The following BICD1 variants were observed in gnomAD, a reference collection of about 807,000 sequenced individuals.
The protein encoded by BICD1 is protein bicaudal D homolog 1.
A neutral mutation model predicts 92.5 loss-of-function variants in BICD1; 35 were observed. The ratio of observed to expected loss-of-function variants is 0.38; its 90% confidence interval spans 0.29 to 0.50. The LOEUF is 0.50. BICD1 is among the 20% of genes least tolerant of loss of function. The pLI, the probability that BICD1 is intolerant of heterozygous loss-of-function variation, is 0.93. For missense variants in BICD1, 950 were observed against 1,189.8 expected (o/e 0.80, Z 2.97); for synonymous variants, 429 against 465.1 (o/e 0.92, Z 1.00).
chr12:32,156,743 G>C (rs1181570254), intron 1 of BICD1, among the ~76,000 whole-genome samples: 1 of 152,226 alleles, frequency 6.6e-6, no homozygotes, highest in African/African-American at 2.4e-5. Flanking sequence ...CCACGGAGGA[G>C]ATGTGTGTAT....
chr12:32,188,165 T>G (rs564968248), intron 1 of BICD1, among the ~76,000 whole-genome samples: 1 of 152,334 alleles, frequency 6.6e-6, no homozygotes, highest in Non-Finnish European at 1.5e-5. Context: ...CTTGAACTCC[T>G]GACCTCAGGT....
intron 1 of BICD1, among the ~76,000 whole-genome samples, chr12:32,121,404 C>T (rs1431424993): frequency 2.0e-5 from 3 of 151,552 alleles, no homozygotes; most frequent in Non-Finnish European, 2.9e-5. Context: ...ACCAGCCTGG[C>T]CAACATGGTG....
intron 8 of BICD1, among the ~76,000 whole-genome samples, chr12:32,356,327 A>T (rs1245560906): frequency 6.6e-6 from 1 of 152,198 alleles, no homozygotes; most frequent in Non-Finnish European, 1.5e-5. Context: ...TGAAATGGAG[A>T]AGAGCTGAAG....
chr12:32,237,900 C>A (rs1946119287), intron 2 of BICD1, among the ~76,000 whole-genome samples: 1 of 152,176 alleles, frequency 6.6e-6, no homozygotes, highest in Non-Finnish European at 1.5e-5. Context: ...GTCATTTTGA[C>A]TTTCAAGTCT....
chr12:32,333,716 C>CT (rs1390980736), intron 5 of BICD1, among the ~76,000 whole-genome samples: 1 of 152,196 alleles, frequency 6.6e-6, no homozygotes, highest in Admixed American at 6.5e-5. Flanking sequence ...CCTAAGTATA[C>CT]ACTGATTTTA....
chr12:32,256,270 G>C (rs183918737), intron 2 of BICD1, among the ~76,000 whole-genome samples: 1 of 152,020 alleles, frequency 6.6e-6, no homozygotes, highest in South Asian at 2.1e-4. Flanking sequence ...GGCTGATCTC[G>C]AACTTCTGGC....
chr12:32,331,756 C>T (rs1238769166), intron 5 of BICD1, among the ~76,000 whole-genome samples: 2 of 152,094 alleles, frequency 1.3e-5, no homozygotes, highest in Non-Finnish European at 2.9e-5. Flanking sequence ...GATGCTCAAC[C>T]TGTACCATTT....
intron 1 of BICD1, among the ~76,000 whole-genome samples, chr12:32,174,311 C>T (rs576482454): frequency 6.6e-6 from 1 of 152,068 alleles, no homozygotes; most frequent in Admixed American, 6.5e-5. Context: ...TAAATTTCTT[C>T]TAAAGTTTTA....
intron 1 of BICD1, chr12:32,108,640 T>TA (rs1294859366): frequency 2.9e-6 from 2 of 695,590 alleles, no homozygotes; most frequent in Non-Finnish European, 5.2e-6. Context: ...TTTATGCTGT[T>TA]ACAGTTAAAA....
chr12:32,150,374 G>C (rs932769643), intron 1 of BICD1, among the ~76,000 whole-genome samples: 1 of 152,132 alleles, frequency 6.6e-6, no homozygotes, highest in Admixed American at 6.5e-5. Context: ...ATCTAGGCAG[G>C]GAAAAGCGTA....
intron 1 of BICD1, among the ~76,000 whole-genome samples, chr12:32,176,296 A>G (rs779605700): frequency 6.6e-6 from 1 of 152,064 alleles, no homozygotes; most frequent in Non-Finnish European, 1.5e-5. Context: ...TTGTCAAACT[A>G]TTTTCCAAAG....
intron 1 of BICD1, among the ~76,000 whole-genome samples, chr12:32,135,386 CTTTTTTTT>C (rs71064999): frequency 1.3e-4 from 6 of 44,794 alleles, no homozygotes; most frequent in Non-Finnish European, 1.9e-4. Context: ...CCATGCGTGG[CTTTTTTTT>C]TTTTTTTTTT....
chr12:32,327,855 C>G lies in BICD1; in HGVS notation c.1400C>G (p.Thr467Arg), dbSNP rs201221854. 1.2e-6 allele frequency: 2 copies of G among 1,614,090 alleles called. No homozygotes were observed. Among genetic ancestry groups the G allele is most frequent in the Non-Finnish European group, 1.7e-6 (2 of 1,180,026 alleles). The change falls in exon 5 of 10, where the codon ACA becomes AGA. Residue 467 changes from threonine to arginine, a missense_variant. Thr to Arg is a moderately conservative substitution (Grantham distance 71, BLOSUM62 -1). This residue lies in a region of BICD1 where 309 missense variants were observed against 499.4 expected (regional missense o/e 0.62). Transcript: ENST00000652176. The stretch of plus-strand genomic sequence containing the variant: ...ATCCAGATGTATGATGAGCAGGTGA[C>G]AAGCCTTGAGAAGACCACCAAGGAG... ...SKIQMYDEQV[T>R]SLEKTTKESG...
At chr12:32,357,073 G>A (rs1027770761) in intron 8 of BICD1, among the ~76,000 whole-genome samples, 9 of 149,552 alleles carry the variant, frequency 6.0e-5, no homozygotes, top group Non-Finnish European at 1.0e-4. Flanking sequence ...GTGTGATGGC[G>A]CGATCTCGGC....
intron 8 of BICD1, 135 bp from the exon 9 acceptor site, chr12:32,367,535 A>G: frequency 1.3e-6 from 1 of 741,194 alleles, no homozygotes; most frequent in Non-Finnish European, 2.1e-6. Context: ...AGAAAAAAAA[A>G]AAGCTGAATC....
chr12:32,107,341 G>A lies in BICD1; in HGVS notation c.10G>A (p.Glu4Lys). The A allele has an allele frequency of 1.9e-6, 3 of 1,603,704 alleles. No individual in the cohort carries two copies. The highest frequency in any genetic ancestry group is 2.6e-6 in the Non-Finnish European group (3 of 1,175,592). MAA[E>K]EVLQTVDHYK... ...TCCATCCACCGGGGCTATGGCCGCA[G>A]AAGAGGTATTGCAGACGGTGGACCA... Residue 4 changes from glutamate to lysine, a missense_variant, in exon 1 of 10, where the codon GAA (glutamate) becomes AAA (lysine). Coordinates refer to ENST00000652176, the MANE Select transcript of BICD1 (RefSeq NM_001714.4).
chr12:32,262,342 TC>T (rs1946881334), intron 2 of BICD1, among the ~76,000 whole-genome samples: 1 of 152,124 alleles, frequency 6.6e-6, no homozygotes, highest in Non-Finnish European at 1.5e-5. Context: ...CTATTCAGTC[TC>T]CCATTTCCTT....
At chr12:32,153,827 C>A in intron 1 of BICD1, among the ~76,000 whole-genome samples, 1 of 149,394 alleles carries the variant, frequency 6.7e-6, no homozygotes, top group Non-Finnish European at 1.5e-5. Context: ...TATTACATAT[C>A]TAATATATAT....
chr12:32,219,892 G>GAGAT (rs1291193975), intron 2 of BICD1, among the ~76,000 whole-genome samples: 2 of 152,158 alleles, frequency 1.3e-5, no homozygotes, highest in African/African-American at 4.8e-5. Context: ...TACCAAAACA[G>GAGAT]AGATATAGAT....
Sources: gnomAD v4.1 joint callset for allele counts (sites outside exome capture counted in the v4.1 genomes callset) on GRCh38, gnomAD v4.1.1 for gene constraint, gnomAD v4.1.1 regional missense constraint, MANE v1.5 for transcripts, NCBI Gene and HGNC (gene_info 2026-07-23, HGNC 2026-07-21) for gene names.